Variants in EIF5A2 observed in about 807,000 individuals in gnomAD.
EIF5A2 encodes eukaryotic translation initiation factor 5A-2.
EIF5A2 carries 15 observed loss-of-function variants against 16.4 expected under a neutral mutation model. The ratio of observed to expected loss-of-function variants is 0.92; its 90% CI spans 0.61 to 1.41. The LOEUF (loss-of-function observed/expected upper bound fraction) is 1.41, where lower values mean the gene tolerates loss of function less well. Ranked by LOEUF, EIF5A2 falls within the 40% of genes most tolerant of loss-of-function variation. The pLI, the probability that EIF5A2 is intolerant of heterozygous loss-of-function variation, is 0.00. For synonymous variants in EIF5A2, 48 were observed against 61.1 expected (o/e 0.79, Z 1.00); for missense variants, 144 against 189.5 (o/e 0.76, Z 1.41).
In EIF5A2 at chr3:170,894,312, T is replaced by C. The variant is rs1712613424; in HGVS notation, c.382A>G (p.Asn128Asp). 1 of 1,613,798 alleles carries C rather than the reference T, an allele frequency of 6.2e-7. No individual in the cohort carries two copies. Among genetic ancestry groups the C allele is most frequent in the African/African-American group, 1.3e-5 (1 of 74,914 alleles). Residue 128 changes from asparagine to aspartate, a missense_variant, in exon 4 of 5, where the codon AAT (asparagine) becomes GAT (aspartate). Asn to Asp is a conservative substitution (Grantham distance 23). Coordinates refer to ENST00000295822, the MANE Select transcript of EIF5A2 (RefSeq NM_020390.6). ...ELGKEIEGKY[N>D]AGEDVQVSVM... is the part of the protein sequence containing the mutation. ...TTTACCTGTACATCTTCACCTGCAT[T>C]GTATTTTCCCTCTATTTCTTTGCCT...
At chr3:170,896,398 C>T (rs1456592949) in intron 3 of EIF5A2, among the ~76,000 whole-genome samples, 2 of 152,174 alleles carry the variant, frequency 1.3e-5, no homozygotes, top group Non-Finnish European at 2.9e-5. Context: ...TGTGTCCCCA[C>T]CCAAATCTCA....
At chr3:170,898,891 T>C (rs1712737660) in intron 3 of EIF5A2, among the ~76,000 whole-genome samples, 1 of 151,892 alleles carries the variant, frequency 6.6e-6, no homozygotes, top group Non-Finnish European at 1.5e-5. Context: ...TGAGAGTAAG[T>C]TCCAAAGATC....
rs1417414064 is a variant in EIF5A2, at chr3:170,894,316, T to A, written c.378A>T (p.Lys126Asn). ...CCTGTACATCTTCACCTGCATTGTA[T>A]TTTCCCTCTATTTCTTTGCCTAGTT... is the stretch of plus-strand genomic sequence containing the variant. ...EGELGKEIEG[K>N]YNAGEDVQVS... is the part of the protein sequence containing the mutation. Residue 126 changes from lysine to asparagine, a missense_variant, in exon 4 of 5, where the codon AAA becomes AAT. Coordinates refer to ENST00000295822, the MANE Select transcript of EIF5A2 (RefSeq NM_020390.6). The A allele has an allele frequency of 6.2e-7, 1 of 1,613,884 alleles. No homozygotes were observed. The highest frequency in any genetic ancestry group is 8.5e-7 in the Non-Finnish European group (1 of 1,179,876).
intron 3 of EIF5A2, among the ~76,000 whole-genome samples, chr3:170,897,531 TG>T (rs1162715343): frequency 1.3e-5 from 2 of 152,228 alleles, no homozygotes; most frequent in African/African-American, 2.4e-5. Context: ...CAGCTTGGGC[TG>T]TTGCTTCAGA....
chr3:170,895,124 G>A (rs1223777831), intron 3 of EIF5A2, among the ~76,000 whole-genome samples: 1 of 150,118 alleles, frequency 6.7e-6, no homozygotes, highest in Non-Finnish European at 1.5e-5. Flanking sequence ...AGCAGAAAAT[G>A]TAAACCTACC....
intron 3 of EIF5A2, among the ~76,000 whole-genome samples, chr3:170,900,366 C>CAAAAA (rs1168908597): frequency 1.1e-4 from 7 of 64,030 alleles, no homozygotes; most frequent in South Asian, 5.9e-4. Context: ...GACTCCATCT[C>CAAAAA]AAAAAAAAAA....
At chr3:170,907,603 C>G (rs940754637) in intron 2 of EIF5A2, 39 bp downstream of exon 2, 9 of 1,525,130 alleles carry the variant, frequency 5.9e-6, no homozygotes, top group Non-Finnish European at 8.0e-6. Flanking sequence ...ATCAAAGTCC[C>G]AACGCCGAAG....
In EIF5A2 at chr3:170,888,703, A is replaced by T. The variant is rs776023655; in HGVS notation, c.*4657T>A. 1 of 152,602 alleles carries T rather than the reference A, an allele frequency of 6.6e-6. No homozygotes were observed. Among genetic ancestry groups the T allele is most frequent in the African/African-American group, 2.4e-5 (1 of 41,450 alleles). 9.5% of individuals were successfully genotyped at this position (152,602 alleles called of 1,614,324 possible). Reference sequence around the variant, plus strand: ...ATCTAAGAAAAAAAAATGTATTACTAAAAAAGTGCCACTGAATTTAGACAA... The same window carrying T: ...ATCTAAGAAAAAAAAATGTATTACTTAAAAAGTGCCACTGAATTTAGACAA... On this transcript the variant is annotated 3_prime_UTR_variant, in exon 5 of 5. Coordinates refer to ENST00000295822, the MANE Select transcript of EIF5A2 (RefSeq NM_020390.6).
chr3:170,907,327 T>C (rs1336559493), intron 2 of EIF5A2, among the ~76,000 whole-genome samples: 1 of 152,126 alleles, frequency 6.6e-6, no homozygotes, highest in Non-Finnish European at 1.5e-5. Flanking sequence ...AATTATGAGA[T>C]TACACAAGAA....
chr3:170,897,827 A>G (rs1314043871), intron 3 of EIF5A2, among the ~76,000 whole-genome samples: 1 of 152,148 alleles, frequency 6.6e-6, no homozygotes, highest in Middle Eastern at 3.2e-3. Context: ...AGATTCCAGA[A>G]TGGTGTACCA....
intron 3 of EIF5A2, among the ~76,000 whole-genome samples, chr3:170,899,310 G>C (rs908391596): frequency 6.6e-6 from 1 of 152,042 alleles, no homozygotes; most frequent in Non-Finnish European, 1.5e-5. Context: ...ACTCACTGCA[G>C]CCTCAACCTC....
At chr3:170,902,701 C>T (rs943099014) in intron 3 of EIF5A2, among the ~76,000 whole-genome samples, 1 of 151,390 alleles carries the variant, frequency 6.6e-6, no homozygotes, top group African/African-American at 2.4e-5. Context: ...CTCCGCCTCC[C>T]AGGTTCAAGT....
At chr3:170,898,023 A>G (rs1179879069) in intron 3 of EIF5A2, among the ~76,000 whole-genome samples, 2 of 152,148 alleles carry the variant, frequency 1.3e-5, no homozygotes, top group African/African-American at 4.8e-5. Flanking sequence ...CTGAATGGCT[A>G]CCCTGCTAGG....
intron 4 of EIF5A2, 25 bp from the exon 5 acceptor site, chr3:170,893,444 C>T (rs1243773987): frequency 4.3e-6 from 7 of 1,612,484 alleles, no homozygotes; most frequent in Non-Finnish European, 5.9e-6. Context: ...GCAGGCAAAA[C>T]GTTATTCAGA....
intron 3 of EIF5A2, among the ~76,000 whole-genome samples, chr3:170,899,121 C>T (rs1712743592): frequency 1.3e-5 from 2 of 152,176 alleles, no homozygotes; most frequent in East Asian, 3.8e-4. Flanking sequence ...ACTTATTTCC[C>T]TAACTCCAGG....
intron 4 of EIF5A2, 148 bp from the exon 5 acceptor site, chr3:170,893,567 G>C: frequency 1.3e-6 from 1 of 790,244 alleles, no homozygotes; most frequent in Non-Finnish European, 1.9e-6. Context: ...TTTCTTTACA[G>C]TTTTCTAAAG....
rs1165872000 is a variant in EIF5A2 at position 170,889,411 on chromosome 3, A to G, written c.*3949T>C. ...GCCATATACCCAATTCAGAGAAAAA[A>G]TTTAATAGATTAAATAGATTGAATT... On this transcript the variant is annotated 3_prime_UTR_variant, in exon 5 of 5. Transcript: ENST00000295822. The G allele has an allele frequency of 6.6e-6, 1 of 152,400 alleles. No individual in the cohort carries two copies. Among genetic ancestry groups the G allele is most frequent in the Non-Finnish European group, 1.5e-5 (1 of 67,966 alleles). 9.4% of individuals were successfully genotyped at this position (152,400 alleles called of 1,614,324 possible). A position where few individuals can be genotyped will look rare whatever the true frequency, so the allele number is the denominator to read the frequency against.
At chr3:170,904,910 G>C (rs1338247863) in intron 3 of EIF5A2, among the ~76,000 whole-genome samples, 1 of 152,156 alleles carries the variant, frequency 6.6e-6, no homozygotes, top group Non-Finnish European at 1.5e-5. Flanking sequence ...AAGCAAAACA[G>C]GTTAAGTAAC....
Position 170,892,208 on chromosome 3 carries a change from C to A in EIF5A2, c.*1152G>T, listed in dbSNP as rs1192152198. ...TTGGGAGGCTGAGGCAGGTGGATCA[C>A]CTGAGGTCAGGAGTTCAAGACCAGC... On this transcript the variant is annotated 3_prime_UTR_variant, in exon 5 of 5. Transcript: ENST00000295822. The A allele has an allele frequency of 1.3e-5, 2 of 152,416 alleles. No homozygotes were observed. Among genetic ancestry groups the A allele is most frequent in the Non-Finnish European group, 2.9e-5 (2 of 68,010 alleles). The allele number at this position is 152,416 out of a possible 1,614,324, so 9.4% of individuals were successfully genotyped here.
Sources: allele counts gnomAD v4.1 joint callset (sites outside exome capture counted in the v4.1 genomes callset), GRCh38; gene constraint gnomAD v4.1.1; transcripts MANE v1.5; gene names NCBI Gene and HGNC (gene_info 2026-07-23, HGNC 2026-07-21).